The following GRIN2A variants were observed in gnomAD, a reference collection of about 807,000 sequenced individuals.
GRIN2A encodes the protein glutamate receptor ionotropic, NMDA 2A.
In GRIN2A, 22 loss-of-function variants were observed where a neutral mutation model predicts 113.4. The observed-to-expected ratio is 0.19, with a 90% confidence interval of 0.14 to 0.28. The LOEUF (loss-of-function observed/expected upper bound fraction) is 0.28. GRIN2A is among the 10% of genes least tolerant of loss of function. The pLI is 1.00. For synonymous variants in GRIN2A, 827 were observed against 738.4 expected (o/e 1.12, Z -1.94); for missense variants, 1,502 against 1,887.0 (o/e 0.80, Z 3.78).
rs72772139 is a variant in GRIN2A at position 9,954,771 on chromosome 16, C to G, written c.415-16220G>C. Among the ~76,000 whole-genome samples the G allele has an allele frequency of 4.9e-3, 748 of 152,234 alleles. 5 individuals carry two copies. In the Middle Eastern group the frequency reaches 0.051, roughly 10 times the overall value. The stretch of plus-strand genomic sequence containing the variant: ...CTGCCTCTAAATAAATCTCTCTACC[C>G]GGCACTCAAGTCCTCTCCAGACTTA... On this transcript the variant is annotated intron_variant, in intron 2 of 12. Coordinates refer to ENST00000330684, the MANE Select transcript of GRIN2A (RefSeq NM_001134407.3).
At chr16:9,821,208 G>GA (rs940437978) in intron 10 of GRIN2A, among the ~76,000 whole-genome samples, 1 of 152,108 alleles carries the variant, frequency 6.6e-6, no homozygotes, top group African/African-American at 2.4e-5. Flanking sequence ...TGTGACAACT[G>GA]AAATGCCCCA....
chr16:9,937,720 T>G, intron 3 of GRIN2A: 3 of 546,260 alleles, frequency 5.5e-6, no homozygotes, highest in South Asian at 2.0e-5. Flanking sequence ...GGTGTAGGTT[T>G]CCAAGATATA....
chr16:9,804,277 C>T (rs1362667014), intron 10 of GRIN2A, among the ~76,000 whole-genome samples: 2 of 152,134 alleles, frequency 1.3e-5, no homozygotes, highest in East Asian at 1.9e-4. Context: ...GCTGCGACTG[C>T]TGGACTCAGA....
chr16:10,150,698 C>A (rs1438579076), intron 2 of GRIN2A, among the ~76,000 whole-genome samples: 1 of 151,708 alleles, frequency 6.6e-6, no homozygotes, highest in Non-Finnish European at 1.5e-5. Context: ...CTCACCTCCT[C>A]AGAGAGACCT....
Position 9,908,853 on chromosome 16 carries a change from TGGCACCA to T in GRIN2A, c.1008-17760_1008-17754del, listed in dbSNP as rs1244632787. On this transcript the variant is annotated intron_variant, in intron 3 of 12. Transcript: ENST00000330684. ...TGAGGGGATGCACCACACCGTGGCCTGGCACCAGGCCCTCCCTGGTGACATTGGGAAA... is the reference window on the plus strand; with the variant it reads ...TGAGGGGATGCACCACACCGTGGCCTGGCCCTCCCTGGTGACATTGGGAAA... Among the ~76,000 whole-genome samples the T allele has an allele frequency of 2.0e-5, 3 of 152,266 alleles. No individual in the cohort carries two copies. The East Asian group carries it at 5.8e-4, about 29-fold the overall frequency.
At chr16:10,170,625 C>T (rs1394243332) in intron 2 of GRIN2A, among the ~76,000 whole-genome samples, 1 of 151,996 alleles carries the variant, frequency 6.6e-6, no homozygotes, top group African/African-American at 2.4e-5. Context: ...CCTGTAATAC[C>T]AGCACTTTGG....
intron 11 of GRIN2A, among the ~76,000 whole-genome samples, chr16:9,790,739 G>C (rs1902557419): frequency 6.6e-6 from 1 of 152,086 alleles, no homozygotes; most frequent in South Asian, 2.1e-4. Flanking sequence ...AAGAAAATAA[G>C]GTCCCTTTCA....
intron 2 of GRIN2A, among the ~76,000 whole-genome samples, chr16:10,058,287 AAAAAAAC>A (rs142614173): frequency 0.092 from 13,866 of 150,526 alleles, 688 homozygotes; most frequent in Non-Finnish European, 0.11. Context: ...ACCAAAAAAC[AAAAAAAC>A]AAAAAACAAA....
At chr16:9,890,513 C>A (rs889523807) in intron 4 of GRIN2A, among the ~76,000 whole-genome samples, 1 of 152,158 alleles carries the variant, frequency 6.6e-6, no homozygotes, top group Non-Finnish European at 1.5e-5. Flanking sequence ...CCCTCTCTAA[C>A]TCATGATTTA....
At position 10,111,894 on chromosome 16, in the gene GRIN2A, C is replaced by T. The variant is rs746275647; in HGVS notation, c.414+68104G>A. ...TCAACTTTCTTGCTGAGAAGGACCA[C>T]ACCACCCTCCTCAGTGAGGTGATGA... On this transcript the variant is annotated intron_variant, in intron 2 of 12. Transcript: ENST00000330684. 3 of 867,014 alleles carry T rather than the reference C, an allele frequency of 3.5e-6. No homozygotes were observed. In the South Asian group the frequency reaches 4.1e-5, roughly 12 times the overall value. 53.7% of individuals were successfully genotyped at this position (867,014 alleles called of 1,614,324 possible).
chr16:10,058,073 G>A (rs2047485538), intron 2 of GRIN2A, among the ~76,000 whole-genome samples: 3 of 152,108 alleles, frequency 2.0e-5, no homozygotes. Flanking sequence ...TGACCAACGT[G>A]TTGAAACCCT....
chr16:9,805,409 CAT>C (rs1242847609), intron 10 of GRIN2A: 1 of 152,200 alleles, frequency 6.6e-6, no homozygotes, highest in Non-Finnish European at 1.5e-5. Flanking sequence ...AGCATGTGCA[CAT>C]GAGTGTGTGT....
intron 2 of GRIN2A, among the ~76,000 whole-genome samples, chr16:9,983,513 C>T (rs1162085590): frequency 6.6e-6 from 1 of 150,516 alleles, no homozygotes; most frequent in Non-Finnish European, 1.5e-5. Flanking sequence ...GATCTCAGCT[C>T]ACTGCAAGCT....
At chr16:10,010,914 C>T (rs992032137) in intron 2 of GRIN2A, among the ~76,000 whole-genome samples, 3 of 152,208 alleles carry the variant, frequency 2.0e-5, no homozygotes, top group African/African-American at 7.2e-5. Flanking sequence ...CTCCACCCCA[C>T]CCTTCACCTG....
At chr16:9,976,864 A>G (rs1291765660) in intron 2 of GRIN2A, among the ~76,000 whole-genome samples, 1 of 152,142 alleles carries the variant, frequency 6.6e-6, no homozygotes, top group African/African-American at 2.4e-5. Context: ...GTGACAAATG[A>G]CATCTGAGAA....
intron 4 of GRIN2A, among the ~76,000 whole-genome samples, chr16:9,869,445 A>T (rs1299540946): frequency 6.6e-6 from 1 of 152,146 alleles, no homozygotes; most frequent in Non-Finnish European, 1.5e-5. Flanking sequence ...AATAAATAAA[A>T]CAGACAAGTT....
At chr16:9,803,413 C>T (rs945793478) in intron 10 of GRIN2A, among the ~76,000 whole-genome samples, 8 of 150,694 alleles carry the variant, frequency 5.3e-5, no homozygotes, top group Non-Finnish European at 1.2e-4. Context: ...AAAACTCCAT[C>T]TCAAAAAAAA....
intron 2 of GRIN2A, among the ~76,000 whole-genome samples, chr16:10,166,230 G>C (rs2049920483): frequency 6.6e-6 from 1 of 152,196 alleles, no homozygotes; most frequent in Non-Finnish European, 1.5e-5. Flanking sequence ...ACAAGATAGA[G>C]CAGGAGACAT....
chr16:10,106,800 G>T (rs1404180393), intron 2 of GRIN2A, among the ~76,000 whole-genome samples: 1 of 152,200 alleles, frequency 6.6e-6, no homozygotes, highest in African/African-American at 2.4e-5. Flanking sequence ...AAGGCAACAG[G>T]TAGAGCAGGA....
Sources: gnomAD v4.1 joint callset for allele counts (sites outside exome capture counted in the v4.1 genomes callset) on GRCh38, gnomAD v4.1.1 for gene constraint, MANE v1.5 for transcripts, NCBI Gene and HGNC (gene_info 2026-07-23, HGNC 2026-07-21) for gene names.